ZNRF3: variants seen among roughly 807,000 people sequenced by gnomAD.
ZNRF3 encodes the protein E3 ubiquitin-protein ligase ZNRF3.
In ZNRF3, 23 loss-of-function variants were observed where a neutral mutation model predicts 72.5. The ratio of observed to expected loss-of-function variants is 0.32; its 90% CI spans 0.23 to 0.45. The LOEUF (loss-of-function observed/expected upper bound fraction) is 0.45. ZNRF3 is among the 20% of genes least tolerant of loss of function. The pLI is 1.00. For synonymous variants in ZNRF3, 610 were observed against 545.3 expected (o/e 1.12, Z -1.65); for missense variants, 1,169 against 1,272.1 (o/e 0.92, Z 1.23).
chr22:28,936,845 A>C (rs1021472300), intron 1 of ZNRF3, among the ~76,000 whole-genome samples: 2 of 152,094 alleles, frequency 1.3e-5, no homozygotes, highest in African/African-American at 4.8e-5. Context: ...CAGTAGCTGG[A>C]GTCCTGCACT....
At chr22:29,014,755 CAG>C (rs1241115515) in intron 2 of ZNRF3, among the ~76,000 whole-genome samples, 2 of 152,204 alleles carry the variant, frequency 1.3e-5, no homozygotes, top group African/African-American at 4.8e-5. Context: ...AGAGGAGACA[CAG>C]AGACAACTAG....
chr22:29,023,402 A>G (rs2036572372), intron 2 of ZNRF3, among the ~76,000 whole-genome samples: 1 of 152,146 alleles, frequency 6.6e-6, no homozygotes, highest in Non-Finnish European at 1.5e-5. Flanking sequence ...CCACTCCAGG[A>G]CTGAGGGACA....
At chr22:28,979,254 C>G (rs1423729647) in intron 1 of ZNRF3, among the ~76,000 whole-genome samples, 1 of 152,190 alleles carries the variant, frequency 6.6e-6, no homozygotes, top group East Asian at 1.9e-4. Flanking sequence ...CCATGCCTGC[C>G]TTTTCCTTAG....
At chr22:29,047,580 A>C (rs532805266) in intron 6 of ZNRF3, among the ~76,000 whole-genome samples, 4 of 152,304 alleles carry the variant, frequency 2.6e-5, no homozygotes, top group Admixed American at 1.3e-4. Context: ...GATCTTGGGC[A>C]AGTGACTTCG....
intron 1 of ZNRF3, among the ~76,000 whole-genome samples, chr22:28,945,285 TTATAG>T (rs1482021381): frequency 6.6e-6 from 1 of 152,224 alleles, no homozygotes; most frequent in African/African-American, 2.4e-5. Flanking sequence ...ATTTTTGTTC[TTATAG>T]TAGAGTACTG....
chr22:28,994,802 G>A (rs924451738), intron 2 of ZNRF3, among the ~76,000 whole-genome samples: 1 of 152,208 alleles, frequency 6.6e-6, no homozygotes, highest in Non-Finnish European at 1.5e-5. Flanking sequence ...ATATATGGAA[G>A]TTGAGAGCAG....
Position 29,057,209 on chromosome 22 carries a change from A to G in ZNRF3, c.*3587A>G, listed in dbSNP as rs1416971806. Reference sequence around the variant, plus strand: ...AAGACAACTTATGTATATTCTGTATATGTATAGCAGCACATTTCATTTATG... The same window carrying G: ...AAGACAACTTATGTATATTCTGTATGTGTATAGCAGCACATTTCATTTATG... On this transcript the variant is annotated 3_prime_UTR_variant, in exon 9 of 9. Transcript: ENST00000544604. 2 of 152,236 alleles carry G rather than the reference A, an allele frequency of 1.3e-5. No homozygotes were observed. Among genetic ancestry groups the G allele is most frequent in the Non-Finnish European group, 2.9e-5 (2 of 68,042 alleles). 9.4% of individuals were successfully genotyped at this position (152,236 alleles called of 1,614,324 possible).
At chr22:28,964,460 G>C (rs1309160640) in intron 1 of ZNRF3, among the ~76,000 whole-genome samples, 1 of 152,172 alleles carries the variant, frequency 6.6e-6, no homozygotes, top group Middle Eastern at 3.2e-3. Flanking sequence ...AGAGGGGTGA[G>C]GGGAACAACT....
At chr22:28,944,640 A>T (rs190598817) in intron 1 of ZNRF3, among the ~76,000 whole-genome samples, 81 of 152,084 alleles carry the variant, frequency 5.3e-4, no homozygotes, top group Non-Finnish European at 1.1e-3. Flanking sequence ...CTGTAGTCCC[A>T]GCTACTCAGG....
chr22:28,997,663 T>C (rs1316946284), intron 2 of ZNRF3, among the ~76,000 whole-genome samples: 2 of 152,026 alleles, frequency 1.3e-5, no homozygotes, highest in East Asian at 3.9e-4. Context: ...CTGTTTAACC[T>C]CTCTGCCTCC....
chr22:28,921,108 C>T (rs377693369), intron 1 of ZNRF3, among the ~76,000 whole-genome samples: 148 of 152,316 alleles, frequency 9.7e-4, no homozygotes, highest in African/African-American at 3.4e-3. Flanking sequence ...TTCTTTTGAT[C>T]TTTGCCCCAT....
Position 29,044,768 on chromosome 22 carries a change from G to A in ZNRF3, c.634-12G>A. The A allele has an allele frequency of 1.3e-6, 2 of 1,599,214 alleles. No individual in the cohort carries two copies. Among genetic ancestry groups the A allele is most frequent in the African/African-American group, 1.3e-5 (1 of 74,702 alleles). On this transcript the variant is annotated splice_polypyrimidine_tract_variant and intron_variant, in intron 4 of 8. Coordinates refer to ENST00000544604, the MANE Select transcript of ZNRF3 (RefSeq NM_001206998.2). The stretch of plus-strand genomic sequence containing the variant: ...AGAGGCTGTGACTCACTGTGTCTGT[G>A]TTCCGTTCCAGCAACCCACTGAATA...
At chr22:28,892,995 G>A (rs954299579) in intron 1 of ZNRF3, among the ~76,000 whole-genome samples, 9 of 152,000 alleles carry the variant, frequency 5.9e-5, no homozygotes, top group Non-Finnish European at 8.8e-5. Flanking sequence ...GTGAAACCCC[G>A]TCTCTACTAA....
At chr22:29,001,813 C>A (rs376680692) in intron 2 of ZNRF3, among the ~76,000 whole-genome samples, 1 of 150,756 alleles carries the variant, frequency 6.6e-6, no homozygotes, top group South Asian at 2.1e-4. Flanking sequence ...CTATTTTTTT[C>A]TTTGGTTGCT....
chr22:28,981,973 G>A (rs552501092), intron 1 of ZNRF3, among the ~76,000 whole-genome samples: 2 of 152,216 alleles, frequency 1.3e-5, no homozygotes, highest in East Asian at 1.9e-4. Flanking sequence ...CTCCAGCCTG[G>A]GCAATGGAGA....
intron 1 of ZNRF3, among the ~76,000 whole-genome samples, chr22:28,886,004 A>G (rs965176519): frequency 1.3e-5 from 2 of 152,122 alleles, no homozygotes; most frequent in African/African-American, 2.4e-5. Flanking sequence ...TTGTTAAGCA[A>G]TCACTAATAG....
intron 1 of ZNRF3, among the ~76,000 whole-genome samples, chr22:28,898,383 G>C (rs993148697): frequency 1.8e-4 from 28 of 152,224 alleles, no homozygotes; most frequent in Admixed American, 1.3e-4. Flanking sequence ...CCTTGCCTGT[G>C]CTTCCTGGAG....
intron 1 of ZNRF3, among the ~76,000 whole-genome samples, chr22:28,935,647 T>A (rs1019759949): frequency 2.0e-5 from 3 of 152,208 alleles, no homozygotes; most frequent in Non-Finnish European, 4.4e-5. Flanking sequence ...CCACCTTGGA[T>A]CAGCCTGCTG....
At chr22:29,032,629 T>C (rs958314860) in intron 2 of ZNRF3, among the ~76,000 whole-genome samples, 3 of 152,198 alleles carry the variant, frequency 2.0e-5, no homozygotes, top group African/African-American at 7.2e-5. Context: ...AGGGAGGAGA[T>C]AGGTGGCCTA....
Sources: allele counts gnomAD v4.1 joint callset (sites outside exome capture counted in the v4.1 genomes callset), GRCh38; gene constraint gnomAD v4.1.1; transcripts MANE v1.5; gene names NCBI Gene and HGNC (gene_info 2026-07-23, HGNC 2026-07-21).